HNF1B: variants seen among roughly 807,000 people sequenced by gnomAD.
HNF1B encodes HNF1 homeobox B.
A neutral mutation model predicts 61.7 loss-of-function variants in HNF1B; 8 were observed. The ratio of observed to expected loss-of-function variants is 0.13; its 90% CI spans 0.08 to 0.23. The LOEUF is 0.23. Among genes scored for constraint, HNF1B ranks in the 10% least tolerant of loss-of-function variants. HNF1B has a pLI of 1.00. For synonymous variants in HNF1B, 314 were observed against 287.7 expected (o/e 1.09, Z -0.93); for missense variants, 562 against 714.5 (o/e 0.79, Z 2.43).
At position 37,744,825 on chromosome 17, in the gene HNF1B, C is replaced by T. The variant is rs935024070; in HGVS notation, c.60G>A (p.Gly20=). The change falls in exon 1 of 9, where the codon GGG becomes GGA. Residue 20 remains glycine, a synonymous_variant. Transcript: ENST00000617811. ...QELLSALLSS[G]VTKEVLVQAL... ...CCTGAACCAGCACCTCCTTGGTGAC[C>T]CCGGAGCTCAGCAGGGCGCTCAGGA... 3 of 1,613,328 alleles carry T rather than the reference C, an allele frequency of 1.9e-6. No individual in the cohort carries two copies. The African/African-American group carries it at 4.0e-5, about 22-fold the overall frequency.
At chr17:37,688,492 G>A (rs993447179) in intron 8 of HNF1B, among the ~76,000 whole-genome samples, 3 of 151,790 alleles carry the variant, frequency 2.0e-5, no homozygotes, top group African/African-American at 7.3e-5. Flanking sequence ...AACCCTATAT[G>A]AGGATACCAT....
chr17:37,726,524 C>A (rs1179978540), intron 4 of HNF1B, among the ~76,000 whole-genome samples: 2 of 152,192 alleles, frequency 1.3e-5, no homozygotes, highest in African/African-American at 4.8e-5. Context: ...TCGTGTCCTG[C>A]AGAATTCAGT....
intron 1 of HNF1B, among the ~76,000 whole-genome samples, chr17:37,741,423 C>T (rs954325627): frequency 6.6e-6 from 1 of 151,974 alleles, no homozygotes; most frequent in Non-Finnish European, 1.5e-5. Context: ...AAGGTAATTT[C>T]CAAGTACACA....
Position 37,744,998 on chromosome 17 carries a change from TC to T in HNF1B, c.-115del. 1.1e-6 allele frequency: 1 copy of T among 886,364 alleles called. No homozygotes were observed. The highest frequency in any genetic ancestry group is 1.8e-6 in the Non-Finnish European group (1 of 569,934). The allele number at this position is 886,364 out of a possible 1,614,324, so 54.9% of individuals were successfully genotyped here. A position where few individuals can be genotyped will look rare whatever the true frequency, so the allele number is the denominator to read the frequency against. ...CCAGGAACCCCTCCACCCTTCAGCC[TC>T]CAGACACCTGTTACTCCCCGGGGTC... On this transcript the variant is annotated 5_prime_UTR_variant, in exon 1 of 9. Transcript: ENST00000617811.
intron 8 of HNF1B, among the ~76,000 whole-genome samples, chr17:37,693,922 T>C (rs948627969): frequency 1.3e-5 from 2 of 152,218 alleles, no homozygotes; most frequent in African/African-American, 2.4e-5. Context: ...TATCTCACCA[T>C]ATGACATGCC....
At chr17:37,700,061 TAG>T (rs1290922849) in intron 7 of HNF1B, among the ~76,000 whole-genome samples, 1 of 152,246 alleles carries the variant, frequency 6.6e-6, no homozygotes, top group Non-Finnish European at 1.5e-5. Flanking sequence ...TTTATGGATG[TAG>T]AGATTGGACT....
chr17:37,731,585 C>T lies in HNF1B; in HGVS notation c.1045+10G>A, dbSNP rs2033684823. 3.7e-6 allele frequency: 6 copies of T among 1,606,354 alleles called. No individual in the cohort carries two copies. Among genetic ancestry groups the T allele is most frequent in the Non-Finnish European group, 5.1e-6 (6 of 1,176,064 alleles). ...GGTTGCCGAGGCAGTGAGGCCCAAC[C>T]TTTGCTTACCTGACAGCTTGTTTGG... On this transcript the variant is annotated intron_variant, in intron 4 of 8. Transcript: ENST00000617811.
chr17:37,698,229 C>T (rs555230377), intron 8 of HNF1B, among the ~76,000 whole-genome samples: 1 of 152,108 alleles, frequency 6.6e-6, no homozygotes, highest in Non-Finnish European at 1.5e-5. Flanking sequence ...AGAGGCCAAA[C>T]AGTTCCCACA....
At chr17:37,711,553 T>C (rs1434026556) in intron 4 of HNF1B, among the ~76,000 whole-genome samples, 1 of 152,162 alleles carries the variant, frequency 6.6e-6, no homozygotes, top group Non-Finnish European at 1.5e-5. Context: ...ATCAGGCAAC[T>C]GAAGGAAGCT....
In HNF1B at chr17:37,701,103, C is replaced by T. The variant is rs762841746; in HGVS notation, c.1414G>A (p.Val472Ile). ...CTGTGCAGCTGCTGGGAGAACTGGA[C>T]GGGCTGCAGGGCTGCCAGGCTGCCG... ...VAGSLAALQP[V>I]QFSQQLHSPH... Residue 472 changes from valine (V) to isoleucine (I), a missense_variant, in exon 7 of 9, where the codon GTC (valine) becomes ATC (isoleucine). Physicochemically the swap from Val to Ile is conservative, Grantham distance 29. Transcript: ENST00000617811. 9.0e-6 allele frequency: 14 copies of T among 1,553,040 alleles called. No homozygotes were observed. The highest frequency in any genetic ancestry group is 1.2e-5 in the South Asian group (1 of 84,208).
At chr17:37,698,972 G>A in intron 8 of HNF1B, 104 bp downstream of exon 8, 2 of 874,620 alleles carry the variant, frequency 2.3e-6, no homozygotes, top group Admixed American at 3.4e-5. Flanking sequence ...GCCTCAGAAG[G>A]ACCTAATTTC....
intron 5 of HNF1B, 99 bp from the exon 6 acceptor site, chr17:37,705,148 T>A (rs1381570187): frequency 8.2e-7 from 1 of 1,226,128 alleles, no homozygotes; most frequent in African/African-American, 1.5e-5. Context: ...GCATGACTAG[T>A]TCTCAAATTC....
intron 4 of HNF1B, chr17:37,728,925 G>A (rs1386538783): frequency 1.9e-5 from 3 of 154,336 alleles, no homozygotes; most frequent in Admixed American, 6.5e-5. Context: ...TGCCTCTTAG[G>A]GGGAATGCCC....
chr17:37,738,602 A>G (rs984072752), intron 2 of HNF1B, among the ~76,000 whole-genome samples: 1 of 152,250 alleles, frequency 6.6e-6, no homozygotes, highest in Non-Finnish European at 1.5e-5. Flanking sequence ...AATGTCAAAG[A>G]ATACTTTCCT....
At position 37,699,142 on chromosome 17, in the gene HNF1B, T is replaced by A. The variant is rs1598804191; in HGVS notation, c.1587A>T (p.Pro529=). The A allele has an allele frequency of 6.2e-7, 1 of 1,614,100 alleles. No individual in the cohort carries two copies. Among genetic ancestry groups the A allele is most frequent in the Non-Finnish European group, 8.5e-7 (1 of 1,180,020 alleles). Residue 529 remains proline (P), a synonymous_variant, in exon 8 of 9, where the codon CCA becomes CCT. Transcript: ENST00000617811. ...TGGTATCTGTGACCACCATTGCAGA[T>A]GGAAACCGGGAGGTGTGGGAATACT... The part of the protein sequence containing the change: ...PPQYSHTSRF[P]SAMVVTDTSS...
chr17:37,702,938 G>A (rs2032619957), intron 6 of HNF1B, among the ~76,000 whole-genome samples: 3 of 152,202 alleles, frequency 2.0e-5, no homozygotes, highest in Non-Finnish European at 4.4e-5. Flanking sequence ...TCTGGGCACT[G>A]GTTCTTGCTT....
chr17:37,706,925 A>G (rs1355813720), intron 5 of HNF1B, among the ~76,000 whole-genome samples: 3 of 152,186 alleles, frequency 2.0e-5, no homozygotes, highest in African/African-American at 7.2e-5. Flanking sequence ...CATTATTACT[A>G]TCAGTCCCTG....
At chr17:37,722,684 T>TCC (rs1199069722) in intron 4 of HNF1B, among the ~76,000 whole-genome samples, 1 of 151,960 alleles carries the variant, frequency 6.6e-6, no homozygotes, top group Non-Finnish European at 1.5e-5. Context: ...AAGCATCGAG[T>TCC]CCCCCCTTGC....
At chr17:37,689,058 T>A (rs561601609) in intron 8 of HNF1B, among the ~76,000 whole-genome samples, 6 of 149,646 alleles carry the variant, frequency 4.0e-5, no homozygotes, top group Admixed American at 3.4e-4. Context: ...GGCAAGAGAA[T>A]CGTTTGAACC....
Sources: gnomAD v4.1 joint callset for allele counts (sites outside exome capture counted in the v4.1 genomes callset) on GRCh38, gnomAD v4.1.1 for gene constraint, MANE v1.5 for transcripts, NCBI Gene and HGNC (gene_info 2026-07-23, HGNC 2026-07-21) for gene names.